The following MYO1H variants were observed in gnomAD, a reference collection of about 807,000 sequenced individuals.
The protein encoded by MYO1H is unconventional myosin-Ih.
In MYO1H, 118 loss-of-function variants were observed where a neutral mutation model predicts 149.3. The ratio of observed to expected loss-of-function variants is 0.79; its 90% CI spans 0.68 to 0.92. The LOEUF is 0.92. Among genes scored for constraint, MYO1H ranks in the 40% least tolerant of loss-of-function variants. The pLI is 0.00. For missense variants in MYO1H, 1,212 were observed against 1,280.7 expected, an observed-to-expected ratio of 0.95 and a Z score of 0.82; for synonymous variants, 447 against 465.2, an observed-to-expected ratio of 0.96 and a Z score of 0.50.
chr12:109,427,349 C>T (rs370953482), intron 18 of MYO1H, 120 bp from the exon 19 acceptor site: 109 of 581,350 alleles, frequency 1.9e-4, no homozygotes, highest in Non-Finnish European at 3.0e-4. Context: ...TAAGACCTCA[C>T]GAAATGAGTC....
chr12:109,385,499 C>T (rs1302505527), intron 1 of MYO1H, among the ~76,000 whole-genome samples: 1 of 152,116 alleles, frequency 6.6e-6, no homozygotes, highest in Non-Finnish European at 1.5e-5. Flanking sequence ...CAACATGTTA[C>T]TCAGGCTGGT....
chr12:109,442,284 T>A lies in MYO1H; in HGVS notation c.2688+12T>A. The A allele has an allele frequency of 6.2e-7, 1 of 1,612,494 alleles. No homozygotes were observed. ...ATGAGAAAATCCAGGTAAGGCGATG[T>A]GTGTCCTCAGTCTCAAACAGGATTC... On this transcript the variant is annotated intron_variant, in intron 27 of 31. Coordinates refer to ENST00000310903, the Ensembl canonical transcript of MYO1H.
At chr12:109,435,765 T>A (rs1469324619) in intron 21 of MYO1H, among the ~76,000 whole-genome samples, 1 of 152,140 alleles carries the variant, frequency 6.6e-6, no homozygotes, top group Non-Finnish European at 1.5e-5. Context: ...GTTGGTAACT[T>A]GTTGAAGGCT....
chr12:109,392,659 T>A (rs1310286301), intron 2 of MYO1H, among the ~76,000 whole-genome samples: 1 of 151,578 alleles, frequency 6.6e-6, no homozygotes, highest in Non-Finnish European at 1.5e-5. Flanking sequence ...GAGGTTGCAA[T>A]GAGCCGAGAT....
intron 28 of MYO1H, 98 bp downstream of exon 28, chr12:109,443,747 T>C (rs1872352705): frequency 7.0e-7 from 1 of 1,430,482 alleles, no homozygotes; most frequent in African/African-American, 1.4e-5. Context: ...AAGTGTAGGG[T>C]GCCCATAAAC....
At chr12:109,446,941 C>T (rs1045668392) in intron 31 of MYO1H, 21 of 613,524 alleles carry the variant, frequency 3.4e-5, no homozygotes, top group Non-Finnish European at 5.3e-5. Context: ...TGGAGTCACA[C>T]GGAGTCCATC....
At chr12:109,395,597 G>A (rs1869854415) in intron 3 of MYO1H, among the ~76,000 whole-genome samples, 1 of 139,204 alleles carries the variant, frequency 7.2e-6, no homozygotes, top group Non-Finnish European at 1.6e-5. Flanking sequence ...AGCCAGGCGT[G>A]GTAGTGCTGC....
chr12:109,415,417 C>A lies in MYO1H; in HGVS notation c.1503-109C>A, dbSNP rs893217689. ...TTAAACCCAGGGGGTCGGAGGTTGC[C>A]GTGAGCCAAGATTGTGCCACTGCAC... On this transcript the variant is annotated intron_variant, in intron 14 of 31. Transcript: ENST00000310903. The A allele has an allele frequency of 2.9e-5, 28 of 974,954 alleles. No homozygotes were observed. The African/African-American group carries it at 4.4e-4, about 15-fold the overall frequency. 60.4% of individuals were successfully genotyped at this position (974,954 alleles called of 1,614,324 possible). A position where few individuals can be genotyped will look rare whatever the true frequency, so the allele number is the denominator to read the frequency against.
chr12:109,443,114 G>A (rs377761042), intron 27 of MYO1H, among the ~76,000 whole-genome samples: 132 of 12,232 alleles, frequency 0.011, 31 homozygotes, highest in African/African-American at 0.022. Flanking sequence ...GTATATGTGT[G>A]TATATGTGTA....
At chr12:109,377,756 G>T (rs1302910723) in intron 1 of MYO1H, among the ~76,000 whole-genome samples, 1 of 152,020 alleles carries the variant, frequency 6.6e-6, no homozygotes, top group Non-Finnish European at 1.5e-5. Context: ...TTTTAAATAA[G>T]TATTATGAAA....
chr12:109,335,400 A>G, the MYO1H span, among the ~76,000 whole-genome samples: 2 of 152,258 alleles, frequency 1.3e-5, no homozygotes, highest in East Asian at 3.9e-4. Context: ...TTGTTAAACT[A>G]TAAGAAATTG....
At chr12:109,383,260 C>T (rs764878607) in intron 1 of MYO1H, among the ~76,000 whole-genome samples, 2 of 152,152 alleles carry the variant, frequency 1.3e-5, no homozygotes, top group Non-Finnish European at 2.9e-5. Flanking sequence ...TATCATCTAC[C>T]CTCTTCTCCC....
chr12:109,400,014 CA>C (rs1870093673), intron 5 of MYO1H, among the ~76,000 whole-genome samples: 1 of 152,206 alleles, frequency 6.6e-6, no homozygotes, highest in South Asian at 2.1e-4. Flanking sequence ...AGGTTCATTT[CA>C]CTGGTCATTG....
chr12:109,443,249 TGTATATGTGTAC>T (rs1872300244), intron 27 of MYO1H, among the ~76,000 whole-genome samples: 1 of 150,532 alleles, frequency 6.6e-6, no homozygotes, highest in Admixed American at 6.6e-5. Context: ...TATATGTGTG[TGTATATGTGTAC>T]GTATATGTGT....
At chr12:109,390,154 T>A (rs1869581898) in intron 2 of MYO1H, among the ~76,000 whole-genome samples, 1 of 152,106 alleles carries the variant, frequency 6.6e-6, no homozygotes, top group Non-Finnish European at 1.5e-5. Flanking sequence ...CTGCTTTGGT[T>A]CTCTGTTTGA....
the MYO1H span, among the ~76,000 whole-genome samples, chr12:109,331,761 A>G: frequency 6.6e-6 from 1 of 152,116 alleles, no homozygotes; most frequent in Non-Finnish European, 1.5e-5. Flanking sequence ...CCTCCTGCAA[A>G]CAGCTTGAAA....
the MYO1H span, among the ~76,000 whole-genome samples, chr12:109,327,134 C>CTTTTTTTTTTTTTTTTTTTTTTTTTTT: frequency 1.1e-5 from 1 of 94,744 alleles, no homozygotes; most frequent in South Asian, 3.5e-4. Flanking sequence ...TTTTCTTTTT[C>CTTTTTTTTTTTTTTTTTTTTTTTTTTT]TTTTTTTTTT....
intron 27 of MYO1H, 25 bp from the exon 28 acceptor site, chr12:109,443,489 T>G: frequency 6.2e-7 from 1 of 1,608,954 alleles, no homozygotes; most frequent in Non-Finnish European, 8.5e-7. Flanking sequence ...CCACCTTCCC[T>G]GGTGAAGTCA....
At chr12:109,385,731 T>C (rs1045843470) in intron 1 of MYO1H, among the ~76,000 whole-genome samples, 6 of 152,184 alleles carry the variant, frequency 3.9e-5, no homozygotes, top group Non-Finnish European at 8.8e-5. Context: ...ACTTTTTTTA[T>C]GGAAAACTTC....
Sources: gnomAD v4.1 joint callset for allele counts (sites outside exome capture counted in the v4.1 genomes callset) on GRCh38, gnomAD v4.1.1 for gene constraint, MANE v1.5 for transcripts, NCBI Gene and HGNC (gene_info 2026-07-23, HGNC 2026-07-21) for gene names.